The following YAF2 variants were observed in gnomAD, a reference collection of about 807,000 sequenced individuals.
YAF2 encodes the protein YY1-associated factor 2.
YAF2 carries 7 observed loss-of-function variants against 20.1 expected under a neutral mutation model. That is an observed-to-expected ratio of 0.35 (90% CI 0.20 to 0.65). YAF2 has a LOEUF of 0.65. Ranked by LOEUF, YAF2 falls within the 30% of genes least tolerant of loss-of-function variation. The probability of loss-of-function intolerance (pLI) is 0.69; values close to 1 mark genes in which losing one functional copy is unlikely to be tolerated. For missense variants in YAF2, 151 were observed against 219.2 expected (o/e 0.69, Z 1.96); for synonymous variants, 74 against 76.0 (o/e 0.97, Z 0.14).
chr12:42,233,120 T>C (rs1194483568), intron 2 of YAF2: 1 of 985,334 alleles, frequency 1.0e-6, no homozygotes, highest in African/African-American at 1.7e-5. Flanking sequence ...AAATGGTTGA[T>C]ATGAAATGAG....
chr12:42,169,247 C>T (rs75877968), intron 2 of YAF2, among the ~76,000 whole-genome samples: 7 of 152,160 alleles, frequency 4.6e-5, no homozygotes, highest in East Asian at 3.8e-4. Flanking sequence ...CATTCTCCTG[C>T]ACCATAGCTA....
chr12:42,233,519 T>G (rs2068043205), intron 2 of YAF2: 1 of 977,720 alleles, frequency 1.0e-6, no homozygotes, highest in Admixed American at 6.2e-5. Flanking sequence ...GACTCAGAAT[T>G]TTGTTTTTTT....
At chr12:42,168,174 C>CT (rs2065957615) in intron 2 of YAF2, among the ~76,000 whole-genome samples, 1 of 147,364 alleles carries the variant, frequency 6.8e-6, no homozygotes, top group Non-Finnish European at 1.5e-5. Context: ...AGAAAGACAG[C>CT]ATTTTTTTTT....
intron 2 of YAF2, among the ~76,000 whole-genome samples, chr12:42,216,604 T>A (rs1172655181): frequency 6.6e-6 from 1 of 152,116 alleles, no homozygotes; most frequent in Non-Finnish European, 1.5e-5. Context: ...TGGTAGGCAA[T>A]CTATTCCCTC....
intron 2 of YAF2, among the ~76,000 whole-genome samples, chr12:42,224,088 T>A (rs909358900): frequency 6.6e-6 from 1 of 152,200 alleles, no homozygotes; most frequent in South Asian, 2.1e-4. Context: ...ACTGATTTCA[T>A]ATAAGCACAG....
At position 42,160,457 on chromosome 12, in the gene YAF2, T is replaced by C; in HGVS notation, c.*132A>G. 1.4e-6 allele frequency: 1 copy of C among 705,442 alleles called. No homozygotes were observed. The allele number at this position is 705,442 out of a possible 1,614,324, so 43.7% of individuals were successfully genotyped here. ...AAAATCTAACAAATTCTAACAAATTTCTATTTTATGTAAAACTCAAATTAT... is the reference window on the plus strand; with the variant it reads ...AAAATCTAACAAATTCTAACAAATTCCTATTTTATGTAAAACTCAAATTAT... On this transcript the variant is annotated 3_prime_UTR_variant, in exon 4 of 4. Coordinates refer to ENST00000534854, the MANE Select transcript of YAF2 (RefSeq NM_005748.6).
intron 2 of YAF2, 23 bp from the exon 3 acceptor site, chr12:42,161,788 G>A: frequency 6.3e-7 from 1 of 1,575,326 alleles, no homozygotes; most frequent in Non-Finnish European, 8.6e-7. Context: ...TAAAAAGAAA[G>A]GTATTTTAAA....
At chr12:42,227,711 G>C (rs374036079) in intron 2 of YAF2, among the ~76,000 whole-genome samples, 1 of 149,900 alleles carries the variant, frequency 6.7e-6, no homozygotes, top group Non-Finnish European at 1.5e-5. Context: ...AGTGAGGAGC[G>C]TCTCCGCCCG....
At chr12:42,183,919 T>A (rs2066408072) in intron 2 of YAF2, among the ~76,000 whole-genome samples, 1 of 152,192 alleles carries the variant, frequency 6.6e-6, no homozygotes, top group Non-Finnish European at 1.5e-5. Flanking sequence ...TGGTAACTTT[T>A]AAGGTGAAGC....
At chr12:42,233,232 A>G (rs2068036003) in intron 2 of YAF2, 1 of 985,240 alleles carries the variant, frequency 1.0e-6, no homozygotes, top group African/African-American at 1.7e-5. Context: ...CCTATGAGAA[A>G]CCTAAAGGAC....
intron 2 of YAF2, among the ~76,000 whole-genome samples, chr12:42,218,497 T>C (rs1216154075): frequency 6.6e-6 from 1 of 152,166 alleles, no homozygotes. Flanking sequence ...GTTTCTCAAA[T>C]AAATCCCCTT....
At chr12:42,207,645 C>A (rs1212256068) in intron 2 of YAF2, among the ~76,000 whole-genome samples, 3 of 152,180 alleles carry the variant, frequency 2.0e-5, no homozygotes, top group Non-Finnish European at 2.9e-5. Flanking sequence ...GTAATCCCAG[C>A]ACTTTGGGAG....
rs1407105129 is a variant in YAF2 at position 42,159,896 on chromosome 12, T to C, written c.*693A>G. 1.3e-5 allele frequency: 2 copies of C among 152,670 alleles called. No homozygotes were observed. The highest frequency in any genetic ancestry group is 4.1e-4 in the South Asian group (2 of 4,826). 9.5% of individuals were successfully genotyped at this position (152,670 alleles called of 1,614,324 possible). A position where few individuals can be genotyped will look rare whatever the true frequency, so the allele number is the denominator to read the frequency against. ...CTGAATTATAAAGCTAAATAATCAA[T>C]GTTTTATTGTTTACTAGTCCGCTAG... On this transcript the variant is annotated 3_prime_UTR_variant, in exon 4 of 4. Coordinates refer to ENST00000534854, the MANE Select transcript of YAF2 (RefSeq NM_005748.6).
intron 2 of YAF2, among the ~76,000 whole-genome samples, chr12:42,183,125 A>G (rs2066386521): frequency 6.6e-6 from 1 of 152,090 alleles, no homozygotes; most frequent in Admixed American, 6.5e-5. Context: ...CAAGGCCCAC[A>G]CCTGTATATG....
chr12:42,175,772 T>TAAAAAAAAAAAAAAAAA (rs1277338221), intron 2 of YAF2, among the ~76,000 whole-genome samples: 57 of 88,808 alleles, frequency 6.4e-4, no homozygotes, highest in Non-Finnish European at 1.1e-3. Context: ...AAAAAAAAAT[T>TAAAAAAAAAAAAAAAAA]AAAACAGGAA....
At chr12:42,161,179 G>T in intron 3 of YAF2, 1 of 296,910 alleles carries the variant, frequency 3.4e-6, no homozygotes, top group South Asian at 4.0e-5. Context: ...AAAAGCTAAG[G>T]TTGAGCTATA....
chr12:42,228,155 T>G (rs1382479197), intron 2 of YAF2, among the ~76,000 whole-genome samples: 23 of 15,526 alleles, frequency 1.5e-3, no homozygotes, highest in East Asian at 2.6e-3. Context: ...GTGGGGGGGG[T>G]CGGCCCCCCG....
chr12:42,225,620 T>C (rs1190025435), intron 2 of YAF2, among the ~76,000 whole-genome samples: 4 of 152,206 alleles, frequency 2.6e-5, no homozygotes, highest in Admixed American at 2.6e-4. Context: ...CCCAACACCA[T>C]TTATTAAATA....
At chr12:42,222,821 G>T (rs911289235) in intron 2 of YAF2, among the ~76,000 whole-genome samples, 2 of 152,000 alleles carry the variant, frequency 1.3e-5, no homozygotes, top group African/African-American at 2.4e-5. Flanking sequence ...TCATTGTTGA[G>T]AAGATTAAAT....
Sources: gnomAD v4.1 joint callset for allele counts (sites outside exome capture counted in the v4.1 genomes callset) on GRCh38, gnomAD v4.1.1 for gene constraint, MANE v1.5 for transcripts, NCBI Gene and HGNC (gene_info 2026-07-23, HGNC 2026-07-21) for gene names.